CRTC3: variants seen among roughly 807,000 people sequenced by gnomAD.
CRTC3 encodes the protein CREB-regulated transcription coactivator 3.
Under a neutral mutation model 74.5 loss-of-function variants are expected in CRTC3, and 26 were observed. The observed-to-expected ratio is 0.35, with a 90% CI of 0.26 to 0.48. The LOEUF is 0.48. CRTC3 is among the 20% of genes least tolerant of loss of function. CRTC3 has a pLI of 0.99. For missense variants in CRTC3, 760 were observed against 787.3 expected, an observed-to-expected ratio of 0.97 and a Z score of 0.41; for synonymous variants, 377 against 325.8, an observed-to-expected ratio of 1.16 and a Z score of -1.69.
chr15:90,616,952 A>G (rs992158386), intron 7 of CRTC3, among the ~76,000 whole-genome samples: 1 of 152,018 alleles, frequency 6.6e-6, no homozygotes, highest in African/African-American at 2.4e-5. Flanking sequence ...CCTCTTCTCA[A>G]TACTTTCCCC....
At chr15:90,624,724 CT>C (rs1968768652) in intron 9 of CRTC3, among the ~76,000 whole-genome samples, 1 of 152,190 alleles carries the variant, frequency 6.6e-6, no homozygotes, top group Non-Finnish European at 1.5e-5. Context: ...GCTGTCTCTC[CT>C]GCCCATCTGT....
chr15:90,617,749 T>C (rs1567186530), intron 7 of CRTC3, 134 bp from the exon 8 acceptor site: 11 of 605,190 alleles, frequency 1.8e-5, no homozygotes, highest in South Asian at 1.6e-4. Context: ...CAGGCTTGTC[T>C]CAAACTCCTG....
intron 13 of CRTC3, among the ~76,000 whole-genome samples, chr15:90,639,114 C>T (rs1047419858): frequency 1.3e-5 from 2 of 152,160 alleles, no homozygotes; most frequent in African/African-American, 4.8e-5. Flanking sequence ...GCACCTGCCT[C>T]CTCAGCGCCC....
In CRTC3 at chr15:90,642,098, G is replaced by A. The variant is rs748760182; in HGVS notation, c.1818G>A (p.Leu606=). ...TAAGTGACTCCAGCATGGGCCTGCT[G>A]GACCCCTCTGTTGAAGAGACGTTTC... The part of the protein sequence containing the change: ...NMLSDSSMGL[L]DPSVEETFRA... The change falls in exon 15 of 15, where the codon CTG becomes CTA. Residue 606 remains leucine, a synonymous_variant. Transcript: ENST00000268184. 2 of 1,614,054 alleles carry A rather than the reference G, an allele frequency of 1.2e-6. No homozygotes were observed. Among genetic ancestry groups the A allele is most frequent in the Non-Finnish European group, 1.7e-6 (2 of 1,180,030 alleles).
intron 1 of CRTC3, 24 bp from the exon 2 acceptor site, chr15:90,540,015 G>C (rs565391111): frequency 6.6e-7 from 1 of 1,515,940 alleles, no homozygotes; most frequent in South Asian, 1.1e-5. Flanking sequence ...ACCTCTCAGC[G>C]TTCTTAAATC....
In CRTC3 at chr15:90,612,321, G is replaced by A. The variant is rs1968383092; in HGVS notation, c.578-2132G>A. On this transcript the variant is annotated intron_variant, in intron 6 of 14. Transcript: ENST00000268184. Reference sequence around the variant, plus strand: ...TGAGATCACCTGTGTAAAGCGCCTGGCACATAGTAAGTGAGCAGTCAGGTT... The same window carrying A: ...TGAGATCACCTGTGTAAAGCGCCTGACACATAGTAAGTGAGCAGTCAGGTT... Among the ~76,000 whole-genome samples, 10 of 152,098 alleles carry A rather than the reference G, an allele frequency of 6.6e-5. No homozygotes were observed. The South Asian group carries it at 2.1e-3, about 32-fold the overall frequency.
At chr15:90,563,298 C>T (rs913744926) in intron 2 of CRTC3, among the ~76,000 whole-genome samples, 1 of 151,810 alleles carries the variant, frequency 6.6e-6, no homozygotes, top group Non-Finnish European at 1.5e-5. Context: ...CCCAGCTACT[C>T]GGGAGGCTGA....
chr15:90,535,100 G>T (rs906185132), intron 1 of CRTC3, among the ~76,000 whole-genome samples: 7 of 151,214 alleles, frequency 4.6e-5, no homozygotes, highest in Admixed American at 6.6e-5. Context: ...GGCGGAGGTT[G>T]CAGTGAGCCG....
At chr15:90,568,740 C>T (rs1021819147) in intron 2 of CRTC3, among the ~76,000 whole-genome samples, 2 of 152,132 alleles carry the variant, frequency 1.3e-5, no homozygotes, top group African/African-American at 4.8e-5. Flanking sequence ...CAGCCAACTT[C>T]GTTGTTGTCA....
chr15:90,535,323 AG>A (rs1198124363), intron 1 of CRTC3, among the ~76,000 whole-genome samples: 1 of 152,152 alleles, frequency 6.6e-6, no homozygotes, highest in Non-Finnish European at 1.5e-5. Context: ...TCTTATGAAG[AG>A]GAGGGAATGC....
In CRTC3 at chr15:90,619,939, C is replaced by T. The variant is rs959425247; in HGVS notation, c.749+149C>T. The T allele has an allele frequency of 2.5e-5, 16 of 643,792 alleles. No individual in the cohort carries two copies. In the African/African-American group the frequency reaches 2.9e-4, roughly 12 times the overall value. 39.9% of individuals were successfully genotyped at this position (643,792 alleles called of 1,614,324 possible). A position where few individuals can be genotyped will look rare whatever the true frequency, so the allele number is the denominator to read the frequency against. ...GCATTTTCATAAAAACAGCCACTCTCTTTTGATACTCATATTTCATCTGTT... is the reference window on the plus strand; with the variant it reads ...GCATTTTCATAAAAACAGCCACTCTTTTTTGATACTCATATTTCATCTGTT... On this transcript the variant is annotated intron_variant, in intron 9 of 14. Transcript: ENST00000268184.
intron 14 of CRTC3, 31 bp downstream of exon 14, chr15:90,641,230 G>A: frequency 7.3e-7 from 1 of 1,376,142 alleles, no homozygotes; most frequent in Non-Finnish European, 1.0e-6. Flanking sequence ...CTTCTTTACT[G>A]CTTTTATGTT....
chr15:90,607,732 G>A (rs1030579271), intron 6 of CRTC3, among the ~76,000 whole-genome samples: 7 of 152,122 alleles, frequency 4.6e-5, no homozygotes, highest in Admixed American at 2.6e-4. Context: ...CTGGGCACCC[G>A]TCATCTTCTA....
rs145435527 is a variant in CRTC3, at chr15:90,602,653, AAACAACAAC to A, written c.413+289_413+297del. Among the ~76,000 whole-genome samples, 154 of 150,374 alleles carry A rather than the reference AAACAACAAC, an allele frequency of 1.0e-3. 1 individual carries two copies. The highest frequency in any genetic ancestry group is 3.3e-3 in the African/African-American group (136 of 40,878). ...TCTCTTAAAAACAAACAAACAAACA[AAACAACAAC>A]AACAACAACAACAACAACAAAACAC... On this transcript the variant is annotated intron_variant, in intron 4 of 14. Coordinates refer to ENST00000268184, the MANE Select transcript of CRTC3 (RefSeq NM_022769.5).
At chr15:90,554,610 G>A (rs922368860) in intron 2 of CRTC3, among the ~76,000 whole-genome samples, 9 of 152,222 alleles carry the variant, frequency 5.9e-5, no homozygotes, top group African/African-American at 2.2e-4. Context: ...AGGCTTGGGC[G>A]TCAGCCTGGC....
Position 90,642,055 on chromosome 15 carries a change from T to C in CRTC3, c.1775T>C (p.Leu592Pro). The part of the protein sequence containing the change: ...EEELQIEPLS[L>P]DGLNMLSDSS... ...GAGCTGCAGATTGAACCCCTGAGCC[T>C]GGACGGACTCAACATGTTAAGTGAC... Residue 592 changes from leucine (L) to proline (P), a missense_variant, in exon 15 of 15, where the codon CTG (leucine) becomes CCG (proline). Leu to Pro is a moderately conservative substitution (Grantham distance 98). Coordinates refer to ENST00000268184, the MANE Select transcript of CRTC3 (RefSeq NM_022769.5). 6.2e-7 allele frequency: 1 copy of C among 1,614,028 alleles called. No individual in the cohort carries two copies. The highest frequency in any genetic ancestry group is 1.1e-5 in the South Asian group (1 of 91,086).
intron 2 of CRTC3, among the ~76,000 whole-genome samples, chr15:90,554,686 G>C (rs1051065568): frequency 2.0e-5 from 3 of 152,190 alleles, no homozygotes; most frequent in African/African-American, 7.2e-5. Flanking sequence ...TGTAAAGTAG[G>C]AGTGTTACTA....
At chr15:90,596,632 G>A (rs562413914) in intron 3 of CRTC3, among the ~76,000 whole-genome samples, 1 of 152,144 alleles carries the variant, frequency 6.6e-6, no homozygotes, top group Non-Finnish European at 1.5e-5. Flanking sequence ...GAGGAATCAA[G>A]GGTCCGTGAA....
intron 3 of CRTC3, 122 bp from the exon 4 acceptor site, chr15:90,602,202 G>T: frequency 1.1e-5 from 7 of 652,992 alleles, no homozygotes; most frequent in South Asian, 1.0e-4. Context: ...CATGAAGGAA[G>T]AGCTGTCAGG....
Sources: allele counts gnomAD v4.1 joint callset (sites outside exome capture counted in the v4.1 genomes callset), GRCh38; gene constraint gnomAD v4.1.1; transcripts MANE v1.5; gene names NCBI Gene and HGNC (gene_info 2026-07-23, HGNC 2026-07-21).